The following STIM1 variants were observed in gnomAD, a reference collection of about 807,000 sequenced individuals.
The protein encoded by STIM1 is stromal interaction molecule 1.
In STIM1, 25 loss-of-function variants were observed where a neutral mutation model predicts 74.7. The observed-to-expected ratio is 0.33, with a 90% CI of 0.24 to 0.47. The LOEUF is 0.47. Among genes scored for constraint, STIM1 ranks in the 20% least tolerant of loss-of-function variants. The probability of loss-of-function intolerance (pLI) is 1.00; values close to 1 mark genes in which losing one functional copy is unlikely to be tolerated. For synonymous variants in STIM1, 328 were observed against 348.8 expected, an observed-to-expected ratio of 0.94 and a Z score of 0.66; for missense variants, 728 against 920.8, an observed-to-expected ratio of 0.79 and a Z score of 2.71.
At position 4,023,857 on chromosome 11, in the gene STIM1, T is replaced by C; in HGVS notation, c.271-16T>C. 1 of 1,605,664 alleles carries C rather than the reference T, an allele frequency of 6.2e-7. No individual in the cohort carries two copies. Among genetic ancestry groups the C allele is most frequent in the Non-Finnish European group, 8.5e-7 (1 of 1,172,472 alleles). The stretch of plus-strand genomic sequence containing the variant: ...TCCTAGGTATCTCTTGTGACTTGTG[T>C]ACTTTTCCCTTGCAGTTCCTGAGGG... On this transcript the variant is annotated splice_polypyrimidine_tract_variant and intron_variant, in intron 2 of 12. Coordinates refer to ENST00000526596, the MANE Select transcript of STIM1 (RefSeq NM_001382567.1).
At chr11:3,998,521 C>T (rs1023990535) in intron 2 of STIM1, among the ~76,000 whole-genome samples, 1 of 152,150 alleles carries the variant, frequency 6.6e-6, no homozygotes, top group African/African-American at 2.4e-5. Flanking sequence ...TAACCACACA[C>T]TCTGCTCTGT....
At chr11:3,991,169 C>A (rs1052948108) in intron 2 of STIM1, among the ~76,000 whole-genome samples, 1 of 124,222 alleles carries the variant, frequency 8.1e-6, no homozygotes, top group African/African-American at 3.0e-5. Flanking sequence ...TCTTTCCTTT[C>A]TTTTTTTTTT....
At chr11:3,971,546 A>C (rs528288632) in intron 2 of STIM1, among the ~76,000 whole-genome samples, 182 of 152,046 alleles carry the variant, frequency 1.2e-3, no homozygotes, top group Non-Finnish European at 2.4e-3. Context: ...AAAAAAACAA[A>C]AAAACAAAAC....
In STIM1 at chr11:3,863,200, G is replaced by A. The variant is rs572358508; in HGVS notation, c.139+6791G>A. Among the ~76,000 whole-genome samples, 47 of 147,618 alleles carry A rather than the reference G, an allele frequency of 3.2e-4. No individual in the cohort carries two copies. The South Asian group carries it at 9.4e-3, about 30-fold the overall frequency. On this transcript the variant is annotated intron_variant, in intron 1 of 12. Transcript: ENST00000526596. ...TGAGCCACCACGCCTGGCCACACACGTATATATTTGAGACAATGCATGTGT... is the reference window on the plus strand; with the variant it reads ...TGAGCCACCACGCCTGGCCACACACATATATATTTGAGACAATGCATGTGT...
At chr11:3,857,456 A>G (rs769672276) in intron 1 of STIM1, among the ~76,000 whole-genome samples, 5 of 151,558 alleles carry the variant, frequency 3.3e-5, no homozygotes, top group African/African-American at 4.9e-5. Flanking sequence ...TTGAACAGAC[A>G]CTGTCTCTCT....
chr11:4,037,719 A>G (rs1052711617), intron 3 of STIM1, among the ~76,000 whole-genome samples: 14 of 152,052 alleles, frequency 9.2e-5, no homozygotes, highest in Admixed American at 7.9e-4. Flanking sequence ...ATATATGTAT[A>G]TTTTGCAATG....
intron 3 of STIM1, among the ~76,000 whole-genome samples, chr11:4,036,771 A>C (rs1017547746): frequency 6.6e-6 from 1 of 152,144 alleles, no homozygotes; most frequent in African/African-American, 2.4e-5. Context: ...TGTCAGATGG[A>C]TAGATTGCAA....
At chr11:3,950,236 C>G (rs201115366) in intron 1 of STIM1, among the ~76,000 whole-genome samples, 1 of 151,086 alleles carries the variant, frequency 6.6e-6, no homozygotes, top group African/African-American at 2.4e-5. Context: ...TGGGTTCAAG[C>G]GATTCTCCTG....
intron 1 of STIM1, among the ~76,000 whole-genome samples, chr11:3,873,371 T>G (rs1054033994): frequency 6.6e-6 from 1 of 150,536 alleles, no homozygotes; most frequent in Non-Finnish European, 1.5e-5. Flanking sequence ...TGAGCCGAGA[T>G]TGCGCCATTG....
intron 5 of STIM1, among the ~76,000 whole-genome samples, chr11:4,062,883 G>A (rs1232182287): frequency 6.6e-6 from 1 of 151,544 alleles, no homozygotes; most frequent in South Asian, 2.1e-4. Flanking sequence ...TTGATGAATG[G>A]AAAAAAAATG....
chr11:3,882,092 CTTTTTTTTTTTTTT>C (rs946580998), intron 1 of STIM1, among the ~76,000 whole-genome samples: 5 of 92,310 alleles, frequency 5.4e-5, no homozygotes, highest in Non-Finnish European at 8.2e-5. Flanking sequence ...CACTTCATTC[CTTTTTTTTTTTTTT>C]TTTTTTTTTT....
Position 4,083,624 on chromosome 11 carries a change from C to G in STIM1, c.1474+126C>G, listed in dbSNP as rs1047365679. The stretch of plus-strand genomic sequence containing the variant: ...CCAGGAAGATAGTTCAACTCATGAC[C>G]TTGGTCAATAAAGCACAATTTACTC... On this transcript the variant is annotated intron_variant, in intron 10 of 12. Transcript: ENST00000526596. 4 of 929,072 alleles carry G rather than the reference C, an allele frequency of 4.3e-6. No individual in the cohort carries two copies. In the African/African-American group the frequency reaches 6.5e-5, roughly 15 times the overall value. 57.6% of individuals were successfully genotyped at this position (929,072 alleles called of 1,614,324 possible).
chr11:3,916,967 C>T (rs17193797), intron 1 of STIM1, among the ~76,000 whole-genome samples: 55,807 of 152,158 alleles, frequency 0.37, 12,160 homozygotes, highest in Admixed American at 0.48. Context: ...TTGGCTGAAG[C>T]TTCTTTCAAT....
intron 5 of STIM1, among the ~76,000 whole-genome samples, chr11:4,066,896 A>ATT (rs2094370084): frequency 6.6e-6 from 1 of 151,768 alleles, no homozygotes; most frequent in Non-Finnish European, 1.5e-5. Context: ...CATAGATTAG[A>ATT]CTCTTGATTT....
intron 2 of STIM1, among the ~76,000 whole-genome samples, chr11:4,023,310 C>T (rs1216244489): frequency 2.6e-5 from 4 of 151,354 alleles, no homozygotes; most frequent in Admixed American, 6.6e-5. Flanking sequence ...GCCTGGGTGA[C>T]GAGCGAGACT....
chr11:4,075,408 A>C (rs2094432166), intron 7 of STIM1, among the ~76,000 whole-genome samples: 1 of 152,202 alleles, frequency 6.6e-6, no homozygotes, highest in Non-Finnish European at 1.5e-5. Context: ...TTCATCCAAA[A>C]GTTAACTACT....
intron 6 of STIM1, among the ~76,000 whole-genome samples, chr11:4,070,792 A>G (rs1358713537): frequency 1.3e-5 from 2 of 152,236 alleles, no homozygotes; most frequent in African/African-American, 2.4e-5. Flanking sequence ...TTAAAATAAA[A>G]TGTGACTTCA....
At chr11:4,053,428 G>T (rs1289967077) in intron 3 of STIM1, among the ~76,000 whole-genome samples, 4 of 152,168 alleles carry the variant, frequency 2.6e-5, no homozygotes, top group African/African-American at 7.2e-5. Context: ...CATGTCCTTT[G>T]TAGGGACATG....
At chr11:4,012,185 T>A (rs2093844034) in intron 2 of STIM1, among the ~76,000 whole-genome samples, 1 of 152,216 alleles carries the variant, frequency 6.6e-6, no homozygotes, top group African/African-American at 2.4e-5. Flanking sequence ...TCTCTTTGCT[T>A]AGGATTGTCT....
Sources: gnomAD v4.1 joint callset for allele counts (sites outside exome capture counted in the v4.1 genomes callset) on GRCh38, gnomAD v4.1.1 for gene constraint, MANE v1.5 for transcripts, NCBI Gene and HGNC (gene_info 2026-07-23, HGNC 2026-07-21) for gene names.